The following AOPEP variants were observed in gnomAD, a reference collection of about 807,000 sequenced individuals.
The protein encoded by AOPEP is aminopeptidase O.
Under a neutral mutation model 98.1 loss-of-function variants are expected in AOPEP, and 77 were observed. The ratio of observed to expected loss-of-function variants is 0.78; its 90% confidence interval spans 0.65 to 0.95. AOPEP has a LOEUF of 0.95. AOPEP is among the 40% of genes least tolerant of loss of function. The pLI, the probability that AOPEP is intolerant of heterozygous loss-of-function variation, is 0.00. For missense variants in AOPEP, 1,024 were observed against 1,024.7 expected (o/e 1.00, Z 0.01); for synonymous variants, 346 against 365.3 (o/e 0.95, Z 0.60).
Position 95,087,014 on chromosome 9 carries a change from G to C in AOPEP, c.*337G>C. ...CCTGCTGAACATTTTACATTGGTCTGCTCAGCACATGGCTGGATGCGGATA... is the reference window on the plus strand; with the variant it reads ...CCTGCTGAACATTTTACATTGGTCTCCTCAGCACATGGCTGGATGCGGATA... On this transcript the variant is annotated 3_prime_UTR_variant, in exon 17 of 17. Coordinates refer to ENST00000375315, the MANE Select transcript of AOPEP (RefSeq NM_001193329.3). The C allele has an allele frequency of 2.2e-6, 2 of 891,766 alleles. No individual in the cohort carries two copies. Among genetic ancestry groups the C allele is most frequent in the African/African-American group, 3.6e-5 (2 of 55,492 alleles). The allele number at this position is 891,766 out of a possible 1,614,324, so 55.2% of individuals were successfully genotyped here.
chr9:95,035,982 G>A (rs2064783581), intron 13 of AOPEP, among the ~76,000 whole-genome samples: 1 of 152,160 alleles, frequency 6.6e-6, no homozygotes, highest in Admixed American at 6.5e-5. Context: ...GGTGGTGACT[G>A]TAGACCCCCG....
chr9:94,942,553 G>T (rs962654675), intron 7 of AOPEP, among the ~76,000 whole-genome samples: 9 of 152,186 alleles, frequency 5.9e-5, no homozygotes, highest in Admixed American at 1.3e-4. Context: ...ATTCAACATT[G>T]TACTGGAGGT....
the AOPEP span, chr9:95,135,517 TAAAC>T: frequency 1.1e-5 from 18 of 1,612,418 alleles, no homozygotes; most frequent in East Asian, 4.5e-5. Flanking sequence ...CAGAAAGAAA[TAAAC>T]AAAATTTTAA....
chr9:95,007,736 C>T (rs2062146653), intron 13 of AOPEP, among the ~76,000 whole-genome samples: 1 of 152,190 alleles, frequency 6.6e-6, no homozygotes, highest in African/African-American at 2.4e-5. Flanking sequence ...CCCTTTTGCT[C>T]ACTGTTTTGC....
chr9:94,839,518 C>T (rs564820652), intron 5 of AOPEP, among the ~76,000 whole-genome samples: 62 of 152,082 alleles, frequency 4.1e-4, no homozygotes, highest in African/African-American at 1.2e-3. Context: ...CCACTACACC[C>T]GGCCTATAAG....
intron 11 of AOPEP, among the ~76,000 whole-genome samples, chr9:94,999,523 G>A (rs1252088030): frequency 6.6e-6 from 1 of 152,138 alleles, no homozygotes; most frequent in African/African-American, 2.4e-5. Context: ...ACTATCTAAT[G>A]GAATAAACAA....
At chr9:94,813,281 A>G (rs1184640284) in intron 5 of AOPEP, among the ~76,000 whole-genome samples, 1 of 152,196 alleles carries the variant, frequency 6.6e-6, no homozygotes, top group Non-Finnish European at 1.5e-5. Flanking sequence ...CTGATAATCT[A>G]AAATAACTCA....
chr9:95,149,744 G>T, the AOPEP span, among the ~76,000 whole-genome samples: 1 of 152,222 alleles, frequency 6.6e-6, no homozygotes, highest in African/African-American at 2.4e-5. Context: ...CTCCCAAAGT[G>T]CTGGGATTAC....
At chr9:95,135,513 G>C in the AOPEP span, 2 of 1,613,018 alleles carry the variant, frequency 1.2e-6, no homozygotes, top group South Asian at 2.2e-5. Flanking sequence ...CTTTCAGAAA[G>C]AAATAAACAA....
intron 13 of AOPEP, among the ~76,000 whole-genome samples, chr9:95,007,710 G>A (rs2062144583): frequency 6.6e-6 from 1 of 152,180 alleles, no homozygotes; most frequent in Non-Finnish European, 1.5e-5. Flanking sequence ...TCTTGGCTCT[G>A]CACAGCACTT....
chr9:94,781,458 TAC>T (rs1328753988), intron 3 of AOPEP, among the ~76,000 whole-genome samples: 3 of 152,154 alleles, frequency 2.0e-5, no homozygotes, highest in African/African-American at 7.2e-5. Flanking sequence ...GTTGCTTAAT[TAC>T]AGTTTATGCC....
At chr9:95,148,671 A>G in the AOPEP span, among the ~76,000 whole-genome samples, 1 of 152,214 alleles carries the variant, frequency 6.6e-6, no homozygotes, top group South Asian at 2.1e-4. Context: ...ACATAACTCA[A>G]TGAATGAAGA....
At chr9:94,934,062 T>C (rs986932681) in intron 7 of AOPEP, among the ~76,000 whole-genome samples, 5 of 152,156 alleles carry the variant, frequency 3.3e-5, no homozygotes, top group African/African-American at 1.2e-4. Context: ...ACCATCTTAT[T>C]TTTAAATTGA....
At chr9:94,883,586 A>T (rs1412280886) in intron 5 of AOPEP, among the ~76,000 whole-genome samples, 1 of 152,224 alleles carries the variant, frequency 6.6e-6, no homozygotes, top group Non-Finnish European at 1.5e-5. Flanking sequence ...GTTACAATTC[A>T]GACTGAAGAA....
At chr9:95,090,647 CCCTGCTGGGGTTGAAGGGACAGGAGGA>C (rs1395193994), downstream of AOPEP, among the ~76,000 whole-genome samples, 4 of 152,066 alleles carry the variant, frequency 2.6e-5, no homozygotes, top group African/African-American at 9.7e-5. Context: ...GCCCCTGCCT[CCCTGCTGGGGTTGAAGGGACAGGAGGA>C]CCTCCCCAGC....
At chr9:95,110,352 A>C in the AOPEP span, 1 of 1,020,048 alleles carries the variant, frequency 9.8e-7, no homozygotes. Flanking sequence ...ATAAGACAGA[A>C]TATAAAAGGG....
rs189378093 is a variant in AOPEP at position 94,729,299 on chromosome 9, G to C, written c.-136+2548G>C. On this transcript the variant is annotated intron_variant, in intron 1 of 16. Coordinates refer to ENST00000375315, the MANE Select transcript of AOPEP (RefSeq NM_001193329.3). ...CTAAAGATGTCCATAGAGGCTGGGG[G>C]CACTGTGGCTCACTCATCCCAGCAC... Among the ~76,000 whole-genome samples, 8 of 152,286 alleles carry C rather than the reference G, an allele frequency of 5.3e-5. No homozygotes were observed. The East Asian group carries it at 9.7e-4, about 18-fold the overall frequency.
At chr9:94,745,993 A>G (rs1218822675) in intron 1 of AOPEP, among the ~76,000 whole-genome samples, 1 of 152,260 alleles carries the variant, frequency 6.6e-6, no homozygotes, top group South Asian at 2.1e-4. Flanking sequence ...CCAACAATGT[A>G]CGACAGGGGT....
At chr9:94,869,046 T>A (rs151300600) in intron 5 of AOPEP, among the ~76,000 whole-genome samples, 2 of 152,158 alleles carry the variant, frequency 1.3e-5, no homozygotes, top group East Asian at 3.9e-4. Flanking sequence ...CTGGCCAGCA[T>A]GGTGAAACCC....
Sources: gnomAD v4.1 joint callset for allele counts (sites outside exome capture counted in the v4.1 genomes callset) on GRCh38, gnomAD v4.1.1 for gene constraint, MANE v1.5 for transcripts, NCBI Gene and HGNC (gene_info 2026-07-23, HGNC 2026-07-21) for gene names.